PRR16: variants seen among roughly 807,000 people sequenced by gnomAD.
PRR16 encodes proline rich 16, also known as protein Largen.
In PRR16, 6 loss-of-function variants were observed where a neutral mutation model predicts 18.2. The ratio of observed to expected loss-of-function variants is 0.33; its 90% confidence interval spans 0.18 to 0.65. The LOEUF is 0.65. Among genes scored for constraint, PRR16 ranks in the 30% least tolerant of loss-of-function variants. The probability of loss-of-function intolerance (pLI) is 0.74; values close to 1 mark genes in which losing one functional copy is unlikely to be tolerated. For missense variants in PRR16, 412 were observed against 376.6 expected (o/e 1.09, Z -0.78); for synonymous variants, 151 against 147.8 (o/e 1.02, Z -0.16).
At chr5:120,773,807 G>A in the PRR16 span, among the ~76,000 whole-genome samples, 1 of 151,894 alleles carries the variant, frequency 6.6e-6, no homozygotes, top group African/African-American at 2.4e-5. Context: ...AAAATATGAA[G>A]TACAAAGAAA....
intron 1 of PRR16, among the ~76,000 whole-genome samples, chr5:120,634,534 TCAGGAGGCTGAGG>T (rs1015499257): frequency 6.6e-6 from 1 of 152,058 alleles, no homozygotes; most frequent in Non-Finnish European, 1.5e-5. Context: ...TCCCAGCTAC[TCAGGAGGCTGAGG>T]CAGGAGAATC....
intron 1 of PRR16, among the ~76,000 whole-genome samples, chr5:120,499,644 CT>C (rs1284220026): frequency 1.3e-5 from 2 of 151,678 alleles, no homozygotes; most frequent in African/African-American, 4.8e-5. Flanking sequence ...CTTTCTTTTT[CT>C]TTTCTACTTC....
chr5:120,545,345 T>C (rs566806606), intron 1 of PRR16, among the ~76,000 whole-genome samples: 1 of 152,264 alleles, frequency 6.6e-6, no homozygotes, highest in South Asian at 2.1e-4. Flanking sequence ...CTAGACACTT[T>C]ATTTGAAATA....
intron 1 of PRR16, among the ~76,000 whole-genome samples, chr5:120,517,696 T>C (rs989509613): frequency 2.6e-5 from 4 of 152,134 alleles, no homozygotes; most frequent in African/African-American, 4.8e-5. Context: ...GGTTAATACT[T>C]TGTAGATAGT....
At position 120,614,311 on chromosome 5, in the gene PRR16, T is replaced by C. The variant is rs149781011; in HGVS notation, c.160-71643T>C. Among the ~76,000 whole-genome samples, 26 of 152,340 alleles carry C rather than the reference T, an allele frequency of 1.7e-4. No individual in the cohort carries two copies. In the East Asian group the frequency reaches 4.8e-3, roughly 28 times the overall value. On this transcript the variant is annotated intron_variant, in intron 1 of 1. Coordinates refer to ENST00000407149, the MANE Select transcript of PRR16 (RefSeq NM_001300783.2). ...TCTTATTGGAAGAATAAGCAAATGCTTACGGTGGAGTTTTTAAAACAGATT... is the reference window on the plus strand; with the variant it reads ...TCTTATTGGAAGAATAAGCAAATGCCTACGGTGGAGTTTTTAAAACAGATT...
the PRR16 span, among the ~76,000 whole-genome samples, chr5:120,720,154 T>C: frequency 6.6e-6 from 1 of 152,046 alleles, no homozygotes; most frequent in African/African-American, 2.4e-5. Context: ...ATAGTCTTGC[T>C]TCCTCTCTCC....
chr5:120,526,603 C>G (rs961303950), intron 1 of PRR16, among the ~76,000 whole-genome samples: 2 of 152,122 alleles, frequency 1.3e-5, no homozygotes, highest in African/African-American at 2.4e-5. Flanking sequence ...CCACATGTAT[C>G]AACTCTGCTC....
the PRR16 span, among the ~76,000 whole-genome samples, chr5:120,793,625 A>C: frequency 6.6e-6 from 1 of 152,216 alleles, no homozygotes; most frequent in Admixed American, 6.5e-5. Flanking sequence ...AGAAACAAAA[A>C]TATGAAGAGT....
chr5:120,763,884 C>T, the PRR16 span, among the ~76,000 whole-genome samples: 1 of 152,058 alleles, frequency 6.6e-6, no homozygotes, highest in South Asian at 2.1e-4. Flanking sequence ...TACAGATATG[C>T]TACTGATTGT....
In PRR16 at chr5:120,594,246, G is replaced by A. The variant is rs560283569; in HGVS notation, c.160-91708G>A. On this transcript the variant is annotated intron_variant, in intron 1 of 1. Coordinates refer to ENST00000407149, the MANE Select transcript of PRR16 (RefSeq NM_001300783.2). ...TGCAGATGAAATGATTCTATATCTA[G>A]AAAACCCCATAGTTTCAGGATACAA... Among the ~76,000 whole-genome samples the A allele has an allele frequency of 2.0e-5, 3 of 151,880 alleles. No individual in the cohort carries two copies. In the South Asian group the frequency reaches 6.2e-4, roughly 31 times the overall value.
At position 120,497,569 on chromosome 5, in the gene PRR16, T is replaced by G. The variant is rs1482185917; in HGVS notation, c.159+32924T>G. Among the ~76,000 whole-genome samples the G allele has an allele frequency of 3.3e-5, 5 of 151,826 alleles. No homozygotes were observed. The East Asian group carries it at 9.7e-4, about 30-fold the overall frequency. On this transcript the variant is annotated intron_variant, in intron 1 of 1. Transcript: ENST00000407149. ...CACACCCAGCTAATTTTTTGTATTTTTAGTACAGACGGGGTTTCACTATGT... is the reference window on the plus strand; with the variant it reads ...CACACCCAGCTAATTTTTTGTATTTGTAGTACAGACGGGGTTTCACTATGT...
At chr5:120,787,354 C>A in the PRR16 span, among the ~76,000 whole-genome samples, 3 of 152,132 alleles carry the variant, frequency 2.0e-5, no homozygotes, top group African/African-American at 7.2e-5. Flanking sequence ...TGTGGTATCT[C>A]ATACCAACCA....
At chr5:120,520,504 C>T (rs1751138617) in intron 1 of PRR16, among the ~76,000 whole-genome samples, 1 of 152,166 alleles carries the variant, frequency 6.6e-6, no homozygotes, top group South Asian at 2.1e-4. Flanking sequence ...TTAGGTAGAT[C>T]AGAACTTTAC....
chr5:120,703,769 T>A, the PRR16 span, among the ~76,000 whole-genome samples: 1 of 152,230 alleles, frequency 6.6e-6, no homozygotes, highest in Admixed American at 6.5e-5. Context: ...GGTTAAAAAG[T>A]GTGACATTTA....
chr5:120,616,220 G>A (rs12519395), intron 1 of PRR16, among the ~76,000 whole-genome samples: 23 of 151,914 alleles, frequency 1.5e-4, no homozygotes, highest in Non-Finnish European at 2.8e-4. Flanking sequence ...TTCATACCTC[G>A]TTTGAACAAG....
intron 1 of PRR16, among the ~76,000 whole-genome samples, chr5:120,473,572 A>G (rs1355907779): frequency 1.3e-5 from 2 of 152,212 alleles, no homozygotes; most frequent in Non-Finnish European, 2.9e-5. Flanking sequence ...GTTCCTATGC[A>G]TAAAGCAAGC....
intron 1 of PRR16, among the ~76,000 whole-genome samples, chr5:120,550,361 G>A (rs1271860027): frequency 6.6e-6 from 1 of 152,070 alleles, no homozygotes; most frequent in Non-Finnish European, 1.5e-5. Context: ...AAAGAAGTAA[G>A]TGACAAAGTG....
the PRR16 span, among the ~76,000 whole-genome samples, chr5:120,749,401 C>T: frequency 6.6e-6 from 1 of 152,060 alleles, no homozygotes; most frequent in Non-Finnish European, 1.5e-5. Context: ...CATCCATGGG[C>T]AAAATTGTTG....
chr5:120,600,590 A>G (rs1405009468), intron 1 of PRR16, among the ~76,000 whole-genome samples: 1 of 151,826 alleles, frequency 6.6e-6, no homozygotes, highest in Non-Finnish European at 1.5e-5. Context: ...CTTTTATTGT[A>G]GGTTCAGGGG....
Sources: gnomAD v4.1 joint callset for allele counts (sites outside exome capture counted in the v4.1 genomes callset) on GRCh38, gnomAD v4.1.1 for gene constraint, MANE v1.5 for transcripts, NCBI Gene and HGNC (gene_info 2026-07-23, HGNC 2026-07-21) for gene names.